Variants in DOCK11 observed in about 807,000 individuals in gnomAD.
The protein encoded by DOCK11 is dedicator of cytokinesis 11.
A neutral mutation model predicts 169.1 loss-of-function variants in DOCK11; 70 were observed. That is an observed-to-expected ratio of 0.41 (90% CI 0.34 to 0.51). The LOEUF is 0.51. Ranked by LOEUF, DOCK11 falls within the 20% of genes least tolerant of loss-of-function variation. DOCK11 has a pLI of 0.10. For missense variants in DOCK11, 1,166 were observed against 1,538.8 expected (o/e 0.76, Z 4.05); for synonymous variants, 529 against 541.3 (o/e 0.98, Z 0.32).
At chrX:118,608,437 T>G in intron 26 of DOCK11, 81 bp downstream of exon 26, 1 of 1,055,850 alleles carries the variant, frequency 9.5e-7, no homozygotes, top group East Asian at 3.1e-5. Flanking sequence ...ACTTCTAGTC[T>G]TTCATCAGTT....
chrX:118,670,257 G>GA (rs1308441286), intron 45 of DOCK11, among the ~76,000 whole-genome samples: 1 of 111,770 alleles, frequency 8.9e-6, no homozygotes, highest in African/African-American at 3.3e-5. Context: ...GCTGTTTTAG[G>GA]AATCAGTTCT....
At chrX:118,628,808 C>T (rs1156598740) in intron 34 of DOCK11, among the ~76,000 whole-genome samples, 6 of 112,485 alleles carry the variant, frequency 5.3e-5, no homozygotes, top group Non-Finnish European at 9.4e-5. Context: ...TCATTTTAGA[C>T]GAGTAAAGTT....
chrX:118,613,947 A>G (rs183248168), intron 28 of DOCK11, among the ~76,000 whole-genome samples: 208 of 112,296 alleles, frequency 1.9e-3, no homozygotes, highest in African/African-American at 6.4e-3. Flanking sequence ...ATGGCAAGCT[A>G]AGGAATTTGA....
At chrX:118,521,806 A>G (rs774277537) in intron 1 of DOCK11, among the ~76,000 whole-genome samples, 1 of 111,859 alleles carries the variant, frequency 8.9e-6, no homozygotes. Flanking sequence ...TCTATTGAAT[A>G]TGTATTCTCC....
chrX:118,673,327 C>G (rs1227085024), intron 46 of DOCK11, among the ~76,000 whole-genome samples: 5 of 111,789 alleles, frequency 4.5e-5, no homozygotes, highest in Non-Finnish European at 9.4e-5. Context: ...ACTGATGTAG[C>G]TGGAGCATGG....
chrX:118,552,037 C>CAAAAA (rs60335385), intron 6 of DOCK11, among the ~76,000 whole-genome samples: 3 of 75,368 alleles, frequency 4.0e-5, no homozygotes, highest in Admixed American at 1.7e-4. Context: ...CACTCTGTCT[C>CAAAAA]AAAAAAAAAA....
At chrX:118,555,706 A>C (rs2012662591) in intron 6 of DOCK11, among the ~76,000 whole-genome samples, 1 of 111,581 alleles carries the variant, frequency 9.0e-6, no homozygotes, top group Non-Finnish European at 1.9e-5. Flanking sequence ...ACTGCAACTC[A>C]CTTTTCTAAG....
chrX:118,669,918 C>T (rs1435359440), intron 45 of DOCK11, among the ~76,000 whole-genome samples: 1 of 111,550 alleles, frequency 9.0e-6, no homozygotes, highest in Admixed American at 9.5e-5. Context: ...TCTGTAGTCT[C>T]ATGGTGTTTT....
chrX:118,641,153 G>T, intron 38 of DOCK11, 37 bp from the exon 39 acceptor site: 1 of 1,023,354 alleles, frequency 9.8e-7, no homozygotes, highest in Non-Finnish European at 1.4e-6. Context: ...GTGCATCTTC[G>T]TGTTGGGAAA....
At chrX:118,553,590 G>A (rs1369261629) in intron 6 of DOCK11, among the ~76,000 whole-genome samples, 1 of 111,387 alleles carries the variant, frequency 9.0e-6, no homozygotes, top group Non-Finnish European at 1.9e-5. Context: ...AGAGCCATTT[G>A]TTATATATCC....
In DOCK11 at chrX:118,573,709, A is replaced by C. The variant is rs185718740; in HGVS notation, c.1177-97A>C. On this transcript the variant is annotated intron_variant, in intron 11 of 52. Coordinates refer to ENST00000276202, the MANE Select transcript of DOCK11 (RefSeq NM_144658.4). ...CTCAGAAAGGAATTGTAATCACAGA[A>C]ACTGGAGGAATACAAAACTTATTTT... is the stretch of plus-strand genomic sequence containing the variant. 1.2e-3 allele frequency: 769 copies of C among 641,190 alleles called. 5 individuals are homozygous for C. The African/African-American group carries it at 0.015, about 13-fold the overall frequency. The allele number at this position is 641,190 out of a possible 1,213,427, so 52.8% of individuals were successfully genotyped here.
At chrX:118,614,950 C>T (rs2014773316) in intron 29 of DOCK11, among the ~76,000 whole-genome samples, 175 bp downstream of exon 29, 1 of 111,943 alleles carries the variant, frequency 8.9e-6, no homozygotes, top group Non-Finnish European at 1.9e-5. Flanking sequence ...CAGGACCCCC[C>T]ATGTGTTCAA....
At chrX:118,554,029 G>A (rs1431630662) in intron 6 of DOCK11, among the ~76,000 whole-genome samples, 1 of 111,489 alleles carries the variant, frequency 9.0e-6, no homozygotes, top group Non-Finnish European at 1.9e-5. Context: ...CAGAGACAAG[G>A]TCTTACTATA....
At chrX:118,516,093 C>CTTTTTTTTTTTTT (rs773184047) in intron 1 of DOCK11, among the ~76,000 whole-genome samples, 5 of 54,991 alleles carry the variant, frequency 9.1e-5, no homozygotes, top group African/African-American at 4.1e-4. Flanking sequence ...TTTTCTTTTT[C>CTTTTTTTTTTTTT]TTTTTTTTTT....
chrX:118,633,930 G>T (rs747458576), intron 35 of DOCK11: 10 of 112,772 alleles, frequency 8.9e-5, no homozygotes, highest in African/African-American at 2.9e-4. Context: ...ATAAAGAAAA[G>T]ATTTTGTTGT....
chrX:118,636,290 T>C (rs375283302), intron 35 of DOCK11, 56 bp from the exon 36 acceptor site: 2 of 742,151 alleles, frequency 2.7e-6, no homozygotes, highest in African/African-American at 4.3e-5. Context: ...GGGGATTCAC[T>C]GTGCTATTTG....
chrX:118,521,799 A>G (rs1267865323), intron 1 of DOCK11, among the ~76,000 whole-genome samples: 1 of 111,867 alleles, frequency 8.9e-6, no homozygotes, highest in Non-Finnish European at 1.9e-5. Context: ...GTAGTTTTCT[A>G]TTGAATATGT....
chrX:118,601,496 C>G (rs111947942), intron 23 of DOCK11, among the ~76,000 whole-genome samples: 1,581 of 110,478 alleles, frequency 0.014, 24 homozygotes, highest in South Asian at 0.077. Flanking sequence ...ATATCTAGGA[C>G]TTCAATATGT....
chrX:118,680,391 G>A, intron 48 of DOCK11, 91 bp from the exon 49 acceptor site: 1 of 479,299 alleles, frequency 2.1e-6, no homozygotes. Context: ...TCTCAAAGAA[G>A]TTAGTAGGTT....
Sources: allele counts gnomAD v4.1 joint callset (sites outside exome capture counted in the v4.1 genomes callset), GRCh38; gene constraint gnomAD v4.1.1; transcripts MANE v1.5; gene names NCBI Gene and HGNC (gene_info 2026-07-23, HGNC 2026-07-21).